Variants in KCNMA1 observed in about 807,000 individuals in gnomAD.
KCNMA1 encodes the protein potassium calcium-activated channel subfamily M alpha 1, also known as Calcium-activated potassium channel subunit alpha-1.
In KCNMA1, 29 loss-of-function variants were observed where a neutral mutation model predicts 140.0. The ratio of observed to expected loss-of-function variants is 0.21; its 90% CI spans 0.15 to 0.28. The LOEUF is 0.28. KCNMA1 is among the 10% of genes least tolerant of loss of function. The probability of loss-of-function intolerance (pLI) is 1.00; values close to 1 mark genes in which losing one functional copy is unlikely to be tolerated. For synonymous variants in KCNMA1, 612 were observed against 611.9 expected (o/e 1.00, Z 0.00); for missense variants, 880 against 1,602.2 (o/e 0.55, Z 7.70).
intron 2 of KCNMA1, among the ~76,000 whole-genome samples, chr10:77,381,689 G>A (rs987197817): frequency 6.6e-6 from 1 of 152,092 alleles, no homozygotes; most frequent in Non-Finnish European, 1.5e-5. Flanking sequence ...TCTCCAGTGG[G>A]CTGCTGGTCC....
At chr10:77,567,059 A>AGGC (rs1567590929) in intron 1 of KCNMA1, among the ~76,000 whole-genome samples, 2 of 152,164 alleles carry the variant, frequency 1.3e-5, no homozygotes, top group East Asian at 3.9e-4. Context: ...CAGGGAGCTC[A>AGGC]GGCCCTGGGG....
intron 1 of KCNMA1, among the ~76,000 whole-genome samples, chr10:77,507,171 T>A (rs958262598): frequency 6.6e-6 from 1 of 152,234 alleles, no homozygotes; most frequent in Non-Finnish European, 1.5e-5. Context: ...AGCCTCTGAA[T>A]TATTAGTTTT....
chr10:77,553,489 C>T (rs2063360880), intron 1 of KCNMA1, among the ~76,000 whole-genome samples: 1 of 152,176 alleles, frequency 6.6e-6, no homozygotes, highest in Non-Finnish European at 1.5e-5. Context: ...AAGAAGTGCC[C>T]TCGCCTCCCT....
intron 5 of KCNMA1, among the ~76,000 whole-genome samples, chr10:77,157,080 G>A (rs573872520): frequency 1.1e-4 from 16 of 152,300 alleles, no homozygotes; most frequent in African/African-American, 3.8e-4. Flanking sequence ...TTTTGTCTGT[G>A]CAGCAGACAG....
chr10:77,318,487 C>G (rs1190241535), intron 2 of KCNMA1, among the ~76,000 whole-genome samples: 1 of 152,152 alleles, frequency 6.6e-6, no homozygotes, highest in Non-Finnish European at 1.5e-5. Context: ...CCCCATGGGT[C>G]TCCACTTGTA....
intron 3 of KCNMA1, among the ~76,000 whole-genome samples, chr10:77,244,790 G>A (rs1050834298): frequency 8.7e-6 from 1 of 114,330 alleles, no homozygotes; most frequent in African/African-American, 3.7e-5. Flanking sequence ...GCTATTAAAG[G>A]GTACATTCTG....
intron 3 of KCNMA1, chr10:77,250,733 T>C (rs2059511697): frequency 5.1e-6 from 1 of 196,794 alleles, no homozygotes; most frequent in South Asian, 9.2e-5. Context: ...GGTGAAAGGA[T>C]AGCATCATGC....
chr10:76,985,613 G>A (rs2081050799), intron 19 of KCNMA1, among the ~76,000 whole-genome samples: 2 of 152,184 alleles, frequency 1.3e-5, no homozygotes, highest in African/African-American at 2.4e-5. Flanking sequence ...CTGATACAGT[G>A]AGCAGAGAAA....
intron 1 of KCNMA1, among the ~76,000 whole-genome samples, chr10:77,597,255 T>C (rs1394890501): frequency 1.3e-5 from 2 of 152,090 alleles, no homozygotes; most frequent in African/African-American, 4.8e-5. Flanking sequence ...CAGGAAGATA[T>C]AGATCTCATC....
At chr10:77,055,252 A>G (rs980880364) in intron 14 of KCNMA1, among the ~76,000 whole-genome samples, 3 of 152,052 alleles carry the variant, frequency 2.0e-5, no homozygotes, top group African/African-American at 7.2e-5. Context: ...ATTGAAGAAG[A>G]CCCGAATTAG....
intron 2 of KCNMA1, among the ~76,000 whole-genome samples, chr10:77,335,188 C>T (rs1225254609): frequency 6.6e-6 from 1 of 152,178 alleles, no homozygotes. Context: ...TATGGAAGCA[C>T]AAGCGGTATA....
intron 1 of KCNMA1, among the ~76,000 whole-genome samples, chr10:77,440,406 G>T (rs140265990): frequency 6.6e-6 from 1 of 152,124 alleles, no homozygotes; most frequent in African/African-American, 2.4e-5. Flanking sequence ...GCAGAGCAAG[G>T]GTGAAACATG....
At position 76,886,035 on chromosome 10, in the gene KCNMA1, A is replaced by C; in HGVS notation, c.*1231T>G. On this transcript the variant is annotated 3_prime_UTR_variant, in exon 28 of 28. Coordinates refer to ENST00000286628, the MANE Select transcript of KCNMA1 (RefSeq NM_001161352.2). ...ACCAGCTTTCTGCATTGGGACAGCC[A>C]GCACCGCACAGCTGTGCCAACAGTT... 1.0e-6 allele frequency: 1 copy of C among 985,444 alleles called. No individual in the cohort carries two copies. The highest frequency in any genetic ancestry group is 1.2e-6 in the Non-Finnish European group (1 of 829,942). The allele number at this position is 985,444 out of a possible 1,614,324, so 61.0% of individuals were successfully genotyped here. A position where few individuals can be genotyped will look rare whatever the true frequency, so the allele number is the denominator to read the frequency against.
rs144701748 is a variant in KCNMA1 at position 77,427,112 on chromosome 10, C to T, written c.379-23089G>A. On this transcript the variant is annotated intron_variant, in intron 1 of 27. Transcript: ENST00000286628. ...ACATGCAATTTCTGAGTGCAGTGCA[C>T]AGCAATTCTTCCCAAAGGCAGCCCT... Among the ~76,000 whole-genome samples the T allele has an allele frequency of 8.2e-4, 125 of 152,328 alleles. 1 individual carries two copies. The highest frequency in any genetic ancestry group is 6.6e-3 in the South Asian group (32 of 4,824).
At chr10:77,291,108 T>G (rs1486452910) in intron 2 of KCNMA1, among the ~76,000 whole-genome samples, 3 of 152,194 alleles carry the variant, frequency 2.0e-5, no homozygotes, top group Admixed American at 6.5e-5. Flanking sequence ...CAGCTTCCCG[T>G]GCCTCTCTTC....
chr10:76,966,537 A>G (rs2073994777), intron 20 of KCNMA1, among the ~76,000 whole-genome samples: 1 of 151,954 alleles, frequency 6.6e-6, no homozygotes, highest in Non-Finnish European at 1.5e-5. Context: ...CAAATTAAGA[A>G]CTCTTGACTT....
chr10:77,158,217 G>T (rs970016623), intron 5 of KCNMA1, among the ~76,000 whole-genome samples: 1 of 152,190 alleles, frequency 6.6e-6, no homozygotes, highest in Non-Finnish European at 1.5e-5. Context: ...TGTATGCCAT[G>T]AGGAGAAAAT....
intron 1 of KCNMA1, among the ~76,000 whole-genome samples, chr10:77,609,236 A>G (rs1051975401): frequency 3.3e-5 from 5 of 152,384 alleles, no homozygotes; most frequent in Non-Finnish European, 7.3e-5. Flanking sequence ...ATTGTGGTAC[A>G]TGTACACAGT....
intron 2 of KCNMA1, among the ~76,000 whole-genome samples, chr10:77,351,222 T>A (rs2092836786): frequency 6.6e-6 from 1 of 152,146 alleles, no homozygotes. Flanking sequence ...ATGTTACCAG[T>A]CAACTCTGAG....
Sources: gnomAD v4.1 joint callset for allele counts (sites outside exome capture counted in the v4.1 genomes callset) on GRCh38, gnomAD v4.1.1 for gene constraint, MANE v1.5 for transcripts, NCBI Gene and HGNC (gene_info 2026-07-23, HGNC 2026-07-21) for gene names.